Variants in COL4A2 observed in about 807,000 individuals in gnomAD.
COL4A2 encodes the protein collagen type IV alpha 2 chain.
A neutral mutation model predicts 200.2 loss-of-function variants in COL4A2; 99 were observed. The ratio of observed to expected loss-of-function variants is 0.49; its 90% CI spans 0.42 to 0.58. The LOEUF is 0.58. COL4A2 is among the 20% of genes least tolerant of loss of function. The pLI is 0.00. For missense variants in COL4A2, 1,950 were observed against 2,314.1 expected, an observed-to-expected ratio of 0.84 and a Z score of 3.23; for synonymous variants, 897 against 900.6, an observed-to-expected ratio of 1.00 and a Z score of 0.07.
intron 4 of COL4A2, among the ~76,000 whole-genome samples, chr13:110,384,650 C>T (rs1230660734): frequency 6.6e-6 from 1 of 152,200 alleles, no homozygotes; most frequent in African/African-American, 2.4e-5. Context: ...TGCTCAAAGC[C>T]CACACCCAAT....
chr13:110,324,254 C>T (rs1255705347), intron 3 of COL4A2, among the ~76,000 whole-genome samples: 1 of 152,142 alleles, frequency 6.6e-6, no homozygotes, highest in Admixed American at 6.5e-5. Context: ...GCTTCATGGG[C>T]GTCAAGGGTA....
chr13:110,470,046 C>T (rs868141703), intron 28 of COL4A2, among the ~76,000 whole-genome samples: 10 of 151,416 alleles, frequency 6.6e-5, no homozygotes, highest in South Asian at 2.1e-4. Context: ...TCCTGAGTAG[C>T]TGGGATTACA....
rs1880798053 is a variant in COL4A2, at chr13:110,434,441, AGG to A, written c.726_726+1del. On this transcript the variant is annotated splice_donor_variant and coding_sequence_variant, in exon 12 of 48. Coordinates refer to ENST00000360467, the MANE Select transcript of COL4A2 (RefSeq NM_001846.4). LOFTEE classifies it high-confidence loss of function. ...GGTTTCTACGGAGTTAAGGGTGAAA[AGG>A]TAAAGGAAGCCTGGTCAATTCCAGC... The A allele has an allele frequency of 6.2e-7, 1 of 1,613,686 alleles. No individual in the cohort carries two copies. The highest frequency in any genetic ancestry group is 8.5e-7 in the Non-Finnish European group (1 of 1,179,782).
chr13:110,458,983 C>T (rs1269748555), intron 22 of COL4A2, 49 bp downstream of exon 22: 2 of 1,466,096 alleles, frequency 1.4e-6, no homozygotes, highest in Non-Finnish European at 1.8e-6. Context: ...TGAGGCCTCC[C>T]CAGGTGTCCC....
intron 3 of COL4A2, among the ~76,000 whole-genome samples, chr13:110,355,935 AAT>A (rs1877243565): frequency 6.6e-6 from 1 of 151,906 alleles, no homozygotes; most frequent in East Asian, 1.9e-4. Context: ...TCACCTGTGG[AAT>A]GAAGGTTGTA....
intron 4 of COL4A2, among the ~76,000 whole-genome samples, chr13:110,384,499 T>C (rs997656175): frequency 2.6e-5 from 4 of 152,216 alleles, no homozygotes; most frequent in Admixed American, 1.3e-4. Flanking sequence ...TCTCAGGTAG[T>C]GGCTTGAGTC....
At chr13:110,345,533 C>G (rs1876659312) in intron 3 of COL4A2, among the ~76,000 whole-genome samples, 1 of 152,080 alleles carries the variant, frequency 6.6e-6, no homozygotes, top group Non-Finnish European at 1.5e-5. Flanking sequence ...CTCAAACACA[C>G]CAGCCACTCA....
chr13:110,311,603 G>A (rs1566466173), intron 3 of COL4A2, among the ~76,000 whole-genome samples: 1 of 152,188 alleles, frequency 6.6e-6, no homozygotes, highest in Non-Finnish European at 1.5e-5. Flanking sequence ...GGAGGGTCTG[G>A]CACAGCCTGG....
In COL4A2 at chr13:110,486,365, C is replaced by T. The variant is rs145737341; in HGVS notation, c.3207+529C>T. Among the ~76,000 whole-genome samples, 495 of 152,350 alleles carry T rather than the reference C, an allele frequency of 3.2e-3. 5 individuals are homozygous for T. The highest frequency in any genetic ancestry group is 3.7e-3 in the Non-Finnish European group (249 of 68,022). On this transcript the variant is annotated intron_variant, in intron 34 of 47. Coordinates refer to ENST00000360467, the MANE Select transcript of COL4A2 (RefSeq NM_001846.4). ...GCTCTCTTCTCCACACCTTCTCCCTCAGCTGCAGAATGAAGGTAGTAGCTA... is the reference window on the plus strand; with the variant it reads ...GCTCTCTTCTCCACACCTTCTCCCTTAGCTGCAGAATGAAGGTAGTAGCTA...
In COL4A2 at chr13:110,508,959, T is replaced by A. The variant is rs919868170; in HGVS notation, c.4881+738T>A. Among the ~76,000 whole-genome samples the A allele has an allele frequency of 6.6e-6, 1 of 152,208 alleles. No homozygotes were observed. Among genetic ancestry groups the A allele is most frequent in the Admixed American group, 6.5e-5 (1 of 15,280 alleles). ...CGATAAATTCATTGTAAGATGAAGATACTATAAGTTGAAAGTGCGTTTTCA... is the reference window on the plus strand; with the variant it reads ...CGATAAATTCATTGTAAGATGAAGAAACTATAAGTTGAAAGTGCGTTTTCA... On this transcript the variant is annotated intron_variant, in intron 47 of 47. Transcript: ENST00000360467. The surrounding 1 kb of genome is among the most constrained non-coding windows in gnomAD (Gnocchi z 6.1).
intron 3 of COL4A2, among the ~76,000 whole-genome samples, chr13:110,319,774 T>C (rs1885231413): frequency 6.6e-6 from 1 of 152,192 alleles, no homozygotes; most frequent in Non-Finnish European, 1.5e-5. Flanking sequence ...CTGTCTGAAA[T>C]CCACCTTCCT....
chr13:110,458,043 G>A (rs1464895498), intron 21 of COL4A2: 1 of 445,588 alleles, frequency 2.2e-6, no homozygotes, highest in East Asian at 7.0e-5. Flanking sequence ...CTGTGCTCCT[G>A]CTCACCTCTC....
At chr13:110,369,304 C>T (rs1443816693) in intron 4 of COL4A2, among the ~76,000 whole-genome samples, 1 of 152,166 alleles carries the variant, frequency 6.6e-6, no homozygotes, top group African/African-American at 2.4e-5. Flanking sequence ...ATCTGAAGGG[C>T]TCCAAAATCA....
chr13:110,491,937 T>C, intron 37 of COL4A2, 133 bp from the exon 38 acceptor site: 1 of 668,818 alleles, frequency 1.5e-6, no homozygotes, highest in Non-Finnish European at 2.5e-6. Context: ...AGTTCTAATC[T>C]CTCCTCCAAC....
intron 3 of COL4A2, among the ~76,000 whole-genome samples, chr13:110,330,510 A>G (rs188851134): frequency 9.2e-5 from 14 of 152,286 alleles, no homozygotes; most frequent in African/African-American, 2.6e-4. Flanking sequence ...CCTGTTCACA[A>G]TTCATCTAAG....
chr13:110,380,057 T>C (rs537280410), intron 4 of COL4A2, among the ~76,000 whole-genome samples: 1 of 152,334 alleles, frequency 6.6e-6, no homozygotes, highest in African/African-American at 2.4e-5. Context: ...TGAGAGGATC[T>C]GCTCCACTCA....
chr13:110,425,068 G>A, intron 6 of COL4A2, 71 bp downstream of exon 6: 1 of 1,580,684 alleles, frequency 6.3e-7, no homozygotes, highest in East Asian at 2.2e-5. Context: ...GTGACTTAAA[G>A]AAACATTTTG....
At chr13:110,407,857 C>T (rs1247588718) in intron 4 of COL4A2, among the ~76,000 whole-genome samples, 1 of 152,144 alleles carries the variant, frequency 6.6e-6, no homozygotes, top group African/African-American at 2.4e-5. Context: ...TTGCAATTCA[C>T]CGAGTTAAGG....
At chr13:110,371,691 C>T (rs187054153) in intron 4 of COL4A2, among the ~76,000 whole-genome samples, 24 of 152,324 alleles carry the variant, frequency 1.6e-4, no homozygotes, top group African/African-American at 3.1e-4. Flanking sequence ...GCGCTCTCCA[C>T]GTAGCTCTGC....
Sources: allele counts gnomAD v4.1 joint callset (sites outside exome capture counted in the v4.1 genomes callset), GRCh38; gene constraint gnomAD v4.1.1; non-coding constraint Gnocchi (gnomAD v3.1); transcripts MANE v1.5; gene names NCBI Gene and HGNC (gene_info 2026-07-23, HGNC 2026-07-21).